TSPEAR: variants seen among roughly 807,000 people sequenced by gnomAD.
The protein encoded by TSPEAR is thrombospondin-type laminin G domain and EAR repeat-containing protein.
In TSPEAR, 69 loss-of-function variants were observed where a neutral mutation model predicts 71.6. That is an observed-to-expected ratio of 0.96 (90% CI 0.79 to 1.18). The LOEUF is 1.18. TSPEAR is among the 50% of genes most tolerant of loss of function. The pLI, the probability that TSPEAR is intolerant of heterozygous loss-of-function variation, is 0.00. For synonymous variants in TSPEAR, 402 were observed against 387.2 expected (o/e 1.04, Z -0.45); for missense variants, 971 against 894.9 (o/e 1.09, Z -1.09).
intron 1 of TSPEAR, among the ~76,000 whole-genome samples, chr21:44,628,643 C>T (rs1215102040): frequency 6.6e-6 from 1 of 151,848 alleles, no homozygotes; most frequent in Non-Finnish European, 1.5e-5. Flanking sequence ...ATGCCCCACT[C>T]ACTGTGGGTA....
intron 1 of TSPEAR, among the ~76,000 whole-genome samples, chr21:44,681,082 T>A (rs1986562789): frequency 6.6e-6 from 1 of 152,220 alleles, no homozygotes; most frequent in South Asian, 2.1e-4. Context: ...GTATCCTCTG[T>A]GTGTAAAGTA....
At chr21:44,558,244 C>T (rs369545090) in intron 2 of TSPEAR, 31 of 1,613,178 alleles carry the variant, frequency 1.9e-5, no homozygotes, top group Middle Eastern at 3.3e-4. Context: ...AGGAGGGACA[C>T]GGAGGAGGAG....
At chr21:44,558,771 G>C (rs2053591059) in intron 2 of TSPEAR, 1 of 1,546,240 alleles carries the variant, frequency 6.5e-7, no homozygotes, top group African/African-American at 1.4e-5. Context: ...GTGTGGGAGT[G>C]AGTGAGGGAG....
In TSPEAR at chr21:44,711,334, C is replaced by T. The variant is rs927701823; in HGVS notation, c.82+99G>A. The T allele has an allele frequency of 1.8e-6, 2 of 1,134,272 alleles. No homozygotes were observed. The highest frequency in any genetic ancestry group is 2.6e-5 in the East Asian group (1 of 38,226). 70.3% of individuals were successfully genotyped at this position (1,134,272 alleles called of 1,614,324 possible). On this transcript the variant is annotated intron_variant, in intron 1 of 11. Coordinates refer to ENST00000323084, the MANE Select transcript of TSPEAR (RefSeq NM_144991.3). This position sits in a 1 kb window ranked among gnomAD's most constrained non-coding sequence, Gnocchi z 4.5. ...CCTGCCAAAGCGTCCTCGGGCACCG[C>T]GGCTTGAATCAGTGTTAGAAAGTGG... is the stretch of plus-strand genomic sequence containing the variant.
chr21:44,566,273 A>G (rs1195753331), intron 2 of TSPEAR, among the ~76,000 whole-genome samples: 1 of 152,206 alleles, frequency 6.6e-6, no homozygotes, highest in Admixed American at 6.5e-5. Context: ...AGGAAAAAAT[A>G]CTAGGACTAG....
rs1982227738 is a variant in TSPEAR, at chr21:44,618,168, A to C, written c.83-50163T>G. On this transcript the variant is annotated intron_variant, in intron 1 of 11. Coordinates refer to ENST00000323084, the MANE Select transcript of TSPEAR (RefSeq NM_144991.3). ...AGACCTGGTGGGAAGTGATTGGATC[A>C]TGGAGTTGGTTTCCCCCATGCTGTT... Among the ~76,000 whole-genome samples the C allele has an allele frequency of 2.0e-5, 3 of 152,214 alleles. No homozygotes were observed. In the South Asian group the frequency reaches 6.2e-4, roughly 32 times the overall value.
At chr21:44,583,279 C>T (rs1474282581) in intron 1 of TSPEAR, among the ~76,000 whole-genome samples, 3 of 152,306 alleles carry the variant, frequency 2.0e-5, no homozygotes, top group East Asian at 1.9e-4. Flanking sequence ...GGCCCACGGC[C>T]GTGTCTTCTG....
intron 1 of TSPEAR, chr21:44,579,837 G>A (rs1222118436): frequency 6.2e-7 from 1 of 1,609,956 alleles, no homozygotes; most frequent in African/African-American, 1.3e-5. Context: ...CAGCTGGCCT[G>A]GTAGGAGGAG....
intron 1 of TSPEAR, among the ~76,000 whole-genome samples, chr21:44,678,619 A>G (rs1484660325): frequency 1.3e-5 from 2 of 152,104 alleles, no homozygotes; most frequent in African/African-American, 4.8e-5. Flanking sequence ...CTGGAAGTCC[A>G]ATCCAGTGTA....
chr21:44,697,789 C>G, intron 1 of TSPEAR: 1 of 1,613,804 alleles, frequency 6.2e-7, no homozygotes, highest in Non-Finnish European at 8.5e-7. Flanking sequence ...CCTCCGTGTC[C>G]CTCCTCTGCC....
At chr21:44,636,678 C>T (rs1281449940) in intron 1 of TSPEAR, among the ~76,000 whole-genome samples, 2 of 152,168 alleles carry the variant, frequency 1.3e-5, no homozygotes, top group Non-Finnish European at 2.9e-5. Flanking sequence ...ACACCTGCCT[C>T]TCCAAGGTAG....
chr21:44,707,662 C>A (rs1555952738), intron 1 of TSPEAR, among the ~76,000 whole-genome samples: 1 of 152,252 alleles, frequency 6.6e-6, no homozygotes, highest in Non-Finnish European at 1.5e-5. Context: ...TGACAATTTG[C>A]GCTTCAGGAG....
At chr21:44,590,633 G>A (rs397834518) in intron 1 of TSPEAR, among the ~76,000 whole-genome samples, 9 of 152,174 alleles carry the variant, frequency 5.9e-5, no homozygotes, top group African/African-American at 1.2e-4. Flanking sequence ...TGCAGGGATG[G>A]GCACTGTGGT....
intron 2 of TSPEAR, 61 bp from the exon 3 acceptor site, chr21:44,533,984 G>T: frequency 8.0e-7 from 1 of 1,256,762 alleles, no homozygotes; most frequent in Non-Finnish European, 1.1e-6. Flanking sequence ...GCGGGGGCAG[G>T]GCAGATGGGA....
In TSPEAR at chr21:44,711,058, A is replaced by G. The variant is rs1555953502; in HGVS notation, c.82+375T>C. ...CACCAGCTAAGGAAATGGCTCGTGC[A>G]CAGTAGCCTCCCGGGCTGCTGCGAC... On this transcript the variant is annotated intron_variant, in intron 1 of 11. Transcript: ENST00000323084. This position sits in a 1 kb window ranked among gnomAD's most constrained non-coding sequence, Gnocchi z 4.5. 6.6e-6 allele frequency among the ~76,000 whole-genome samples: 1 copy of G among 152,192 alleles called. No individual in the cohort carries two copies. The highest frequency in any genetic ancestry group is 1.5e-5 in the Non-Finnish European group (1 of 68,018).
chr21:44,636,642 T>C (rs1455480520), intron 1 of TSPEAR, among the ~76,000 whole-genome samples: 1 of 152,078 alleles, frequency 6.6e-6, no homozygotes, highest in Non-Finnish European at 1.5e-5. Flanking sequence ...CCAAGTATCC[T>C]CCACTCTCCA....
At chr21:44,627,986 G>A (rs1239265908) in intron 1 of TSPEAR, 1 of 1,610,976 alleles carries the variant, frequency 6.2e-7, no homozygotes, top group Non-Finnish European at 8.5e-7. Context: ...TCCCTTCTCT[G>A]CCGCCCTGTG....
intron 1 of TSPEAR, among the ~76,000 whole-genome samples, chr21:44,590,129 A>G (rs1979671760): frequency 6.6e-6 from 1 of 151,984 alleles, no homozygotes; most frequent in African/African-American, 2.4e-5. Flanking sequence ...ATGGGGTGGG[A>G]CTCCGGGAGG....
At chr21:44,592,431 G>A (rs373580644) in intron 1 of TSPEAR, 131 of 1,609,274 alleles carry the variant, frequency 8.1e-5, no homozygotes, top group African/African-American at 2.5e-4. Context: ...GAAGGCAGAC[G>A]CGGCTGCCGT....
Sources: allele counts gnomAD v4.1 joint callset (sites outside exome capture counted in the v4.1 genomes callset), GRCh38; gene constraint gnomAD v4.1.1; non-coding constraint Gnocchi (gnomAD v3.1); transcripts MANE v1.5; gene names NCBI Gene and HGNC (gene_info 2026-07-23, HGNC 2026-07-21).